The following PDE3B variants were observed in gnomAD, a reference collection of about 807,000 sequenced individuals.
PDE3B encodes the protein cGMP-inhibited 3',5'-cyclic phosphodiesterase 3B.
In PDE3B, 66 loss-of-function variants were observed where a neutral mutation model predicts 116.8. That is an observed-to-expected ratio of 0.56 (90% confidence interval 0.46 to 0.69). The LOEUF (loss-of-function observed/expected upper bound fraction) is 0.69. PDE3B is among the 30% of genes least tolerant of loss of function. PDE3B has a pLI of 0.00. For synonymous variants in PDE3B, 595 were observed against 533.6 expected, an observed-to-expected ratio of 1.12 and a Z score of -1.59; for missense variants, 1,384 against 1,368.1, an observed-to-expected ratio of 1.01 and a Z score of -0.18.
At chr11:14,748,227 C>G (rs1249518398) in intron 1 of PDE3B, among the ~76,000 whole-genome samples, 2 of 152,118 alleles carry the variant, frequency 1.3e-5, no homozygotes, top group Non-Finnish European at 2.9e-5. Context: ...CTGTAATTCC[C>G]TATTTGTGAT....
At chr11:14,855,573 A>G (rs553823188) in intron 12 of PDE3B, among the ~76,000 whole-genome samples, 53 of 152,308 alleles carry the variant, frequency 3.5e-4, no homozygotes, top group African/African-American at 1.2e-3. Flanking sequence ...AAAACATGGG[A>G]AAAAATCTTG....
In PDE3B at chr11:14,682,781, T is replaced by C. The variant is rs139182705; in HGVS notation, c.978+37728T>C. On this transcript the variant is annotated intron_variant, in intron 1 of 15. Transcript: ENST00000282096. The stretch of plus-strand genomic sequence containing the variant: ...ATGAGGGACATAGGCCTGTAGTTTT[T>C]TGTTGTTTTTTTTTTAATACCTTTT... Among the ~76,000 whole-genome samples the C allele has an allele frequency of 2.5e-3, 384 of 152,082 alleles. 2 individuals carry two copies. Among genetic ancestry groups the C allele is most frequent in the Middle Eastern group, 0.024 (7 of 294 alleles).
Position 14,818,276 on chromosome 11 carries a change from A to G in PDE3B, c.1616A>G (p.Asp539Gly). The change falls in exon 6 of 16, where the codon GAT (aspartate) becomes GGT (glycine). Residue 539 changes from aspartate to glycine, a missense_variant. This residue lies in a region of PDE3B where 956 missense variants were observed against 806.8 expected (regional missense o/e 1.18). Coordinates refer to ENST00000282096, the MANE Select transcript of PDE3B (RefSeq NM_000922.4). ...AATCGATCACCCATAGAATTTCCTG[A>G]TACTGCTGATTTTCTTAATAAGCCA... ...LTNRSPIEFP[D>G]TADFLNKPSV... The G allele has an allele frequency of 5.6e-6, 9 of 1,613,414 alleles. No homozygotes were observed. Among genetic ancestry groups the G allele is most frequent in the Non-Finnish European group, 7.6e-6 (9 of 1,179,430 alleles).
chr11:14,833,591 T>C (rs1385245719), intron 10 of PDE3B, among the ~76,000 whole-genome samples: 1 of 152,216 alleles, frequency 6.6e-6, no homozygotes, highest in Non-Finnish European at 1.5e-5. Flanking sequence ...AACTGTGTTC[T>C]GATTTATGGA....
chr11:14,864,724 A>G (rs1281574964), intron 14 of PDE3B, among the ~76,000 whole-genome samples: 6 of 152,174 alleles, frequency 3.9e-5, no homozygotes, highest in African/African-American at 1.4e-4. Context: ...AAATTAAGGC[A>G]CAATGACATG....
intron 1 of PDE3B, among the ~76,000 whole-genome samples, chr11:14,745,031 C>T (rs758704194): frequency 8.6e-5 from 13 of 151,902 alleles, no homozygotes; most frequent in Non-Finnish European, 1.9e-4. Context: ...CTCTATGTTG[C>T]CCAGGCTGGT....
the PDE3B span, chr11:14,891,490 G>A: frequency 1.0e-6 from 1 of 993,012 alleles, no homozygotes; most frequent in Non-Finnish European, 1.2e-6. Context: ...CACAGCAAAC[G>A]CCTACACCAG....
At chr11:14,784,519 G>T (rs1858133409) in intron 2 of PDE3B, among the ~76,000 whole-genome samples, 1 of 152,060 alleles carries the variant, frequency 6.6e-6, no homozygotes, top group Admixed American at 6.6e-5. Context: ...CAACCGCTAA[G>T]AAAACTTTAT....
At chr11:14,764,460 A>G (rs1857442402) in intron 1 of PDE3B, among the ~76,000 whole-genome samples, 1 of 152,116 alleles carries the variant, frequency 6.6e-6, no homozygotes, top group Admixed American at 6.6e-5. Context: ...TCCATATATA[A>G]AATGAGGCTA....
intron 1 of PDE3B, among the ~76,000 whole-genome samples, chr11:14,737,903 A>G (rs1214123923): frequency 6.6e-6 from 1 of 151,902 alleles, no homozygotes; most frequent in East Asian, 1.9e-4. Flanking sequence ...TTTACTGAGA[A>G]TGATGATTTC....
chr11:14,730,830 T>A (rs1228611477), intron 1 of PDE3B, among the ~76,000 whole-genome samples: 2 of 152,196 alleles, frequency 1.3e-5, no homozygotes, highest in Admixed American at 6.5e-5. Flanking sequence ...AGATTTGGGA[T>A]CAGATGTGAC....
rs761154937 is a variant in PDE3B, at chr11:14,818,402, C to T, written c.1733+9C>T. Reference sequence around the variant, plus strand: ...AGCAATCTGTGTAACAGGTAAGTTTCCCAACTGTTTATTATTTCTGTTTCA... The same window carrying T: ...AGCAATCTGTGTAACAGGTAAGTTTTCCAACTGTTTATTATTTCTGTTTCA... On this transcript the variant is annotated intron_variant, in intron 6 of 15. Transcript: ENST00000282096. The T allele has an allele frequency of 5.1e-6, 8 of 1,559,930 alleles. No individual in the cohort carries two copies. In the South Asian group the frequency reaches 6.7e-5, roughly 13 times the overall value.
chr11:14,705,802 A>C (rs1855514388), intron 1 of PDE3B, among the ~76,000 whole-genome samples: 1 of 151,814 alleles, frequency 6.6e-6, no homozygotes, highest in South Asian at 2.1e-4. Flanking sequence ...TTTACAAATA[A>C]AATATTTTAA....
intron 15 of PDE3B, among the ~76,000 whole-genome samples, chr11:14,869,084 G>T (rs185131763): frequency 3.3e-5 from 5 of 152,114 alleles, no homozygotes; most frequent in Non-Finnish European, 2.9e-5. Context: ...ACATAAGAAT[G>T]CCCTTAAAGG....
intron 10 of PDE3B, 52 bp downstream of exon 10, chr11:14,832,885 A>T (rs1013440926): frequency 1.3e-6 from 1 of 759,028 alleles, no homozygotes; most frequent in South Asian, 1.7e-5. Flanking sequence ...GGGTTTTGAA[A>T]CTCTTTATCA....
At chr11:14,716,332 G>T (rs530656218) in intron 1 of PDE3B, among the ~76,000 whole-genome samples, 27 of 152,106 alleles carry the variant, frequency 1.8e-4, no homozygotes, top group African/African-American at 5.8e-4. Flanking sequence ...AGGCGGCAGC[G>T]AGGCTGGGGG....
At chr11:14,857,386 A>G (rs555812952) in intron 12 of PDE3B, among the ~76,000 whole-genome samples, 2 of 152,310 alleles carry the variant, frequency 1.3e-5, no homozygotes, top group South Asian at 4.1e-4. Flanking sequence ...GCTACCTTCA[A>G]GTATTCTTCT....
intron 13 of PDE3B, among the ~76,000 whole-genome samples, chr11:14,860,743 G>A (rs1336373391): frequency 6.6e-6 from 1 of 151,916 alleles, no homozygotes; most frequent in Non-Finnish European, 1.5e-5. Flanking sequence ...AAAACTATAG[G>A]GCCAGCTTCT....
chr11:14,705,221 G>A (rs564474538), intron 1 of PDE3B, among the ~76,000 whole-genome samples: 2 of 151,892 alleles, frequency 1.3e-5, no homozygotes, highest in African/African-American at 4.8e-5. Context: ...GTTTATAGCA[G>A]TTAATTCATA....
Sources: allele counts gnomAD v4.1 joint callset (sites outside exome capture counted in the v4.1 genomes callset), GRCh38; gene constraint gnomAD v4.1.1; regional missense constraint gnomAD v4.1.1; transcripts MANE v1.5; gene names NCBI Gene and HGNC (gene_info 2026-07-23, HGNC 2026-07-21).